The following NAV3 variants were observed in gnomAD, a reference collection of about 807,000 sequenced individuals.
NAV3 encodes the protein neuron navigator 3.
Under a neutral mutation model 244.7 loss-of-function variants are expected in NAV3, and 87 were observed. That is an observed-to-expected ratio of 0.36 (90% CI 0.30 to 0.42). NAV3 has a LOEUF of 0.42. NAV3 is among the 20% of genes least tolerant of loss of function. The probability of loss-of-function intolerance (pLI) is 1.00; values close to 1 mark genes in which losing one functional copy is unlikely to be tolerated. For synonymous variants in NAV3, 1,126 were observed against 1,042.2 expected (o/e 1.08, Z -1.55); for missense variants, 2,663 against 2,893.3 (o/e 0.92, Z 1.83).
intron 1 of NAV3, among the ~76,000 whole-genome samples, chr12:77,901,632 C>T (rs1275173430): frequency 4.6e-5 from 7 of 152,234 alleles, no homozygotes; most frequent in African/African-American, 1.4e-4. Context: ...ATCACTTGAA[C>T]GCAGGAGGCA....
intron 2 of NAV3, among the ~76,000 whole-genome samples, chr12:77,752,710 T>G (rs1358643994): frequency 6.6e-6 from 1 of 152,138 alleles, no homozygotes; most frequent in Non-Finnish European, 1.5e-5. Context: ...ATATTAATAG[T>G]CTCTACTTTA....
At chr12:78,136,544 TAAAC>T (rs983965790) in intron 18 of NAV3, among the ~76,000 whole-genome samples, 1 of 152,222 alleles carries the variant, frequency 6.6e-6, no homozygotes, top group Non-Finnish European at 1.5e-5. Context: ...ATGCTCATCT[TAAAC>T]AGAGTAGAAA....
intron 2 of NAV3, among the ~76,000 whole-genome samples, chr12:77,689,251 A>C (rs1337020209): frequency 1.3e-5 from 2 of 151,994 alleles, no homozygotes; most frequent in Non-Finnish European, 1.5e-5. Flanking sequence ...GAAAAGTCTC[A>C]GAAAGCTCAA....
At chr12:77,839,623 C>T (rs1257302858) in intron 1 of NAV3, among the ~76,000 whole-genome samples, 1 of 152,150 alleles carries the variant, frequency 6.6e-6, no homozygotes, top group African/African-American at 2.4e-5. Context: ...GGGCCTAATA[C>T]ATAGTTGGTG....
chr12:77,905,511 G>C (rs953134338), intron 1 of NAV3, among the ~76,000 whole-genome samples: 1 of 152,032 alleles, frequency 6.6e-6, no homozygotes, highest in African/African-American at 2.4e-5. Context: ...TTGTCTAAGA[G>C]TATGAATCTT....
chr12:78,150,580 T>G (rs1375161981), intron 22 of NAV3, among the ~76,000 whole-genome samples: 1 of 151,726 alleles, frequency 6.6e-6, no homozygotes, highest in Non-Finnish European at 1.5e-5. Flanking sequence ...AACATTTTTC[T>G]ATTATATGCT....
intron 1 of NAV3, among the ~76,000 whole-genome samples, chr12:77,927,253 G>A (rs1314199503): frequency 1.3e-5 from 2 of 152,176 alleles, no homozygotes; most frequent in African/African-American, 4.8e-5. Flanking sequence ...AATTCCCCAT[G>A]GAGCTCTCTG....
intron 12 of NAV3, among the ~76,000 whole-genome samples, chr12:78,106,150 T>C (rs949440238): frequency 6.6e-6 from 1 of 151,860 alleles, no homozygotes; most frequent in Non-Finnish European, 1.5e-5. Context: ...CCTTTTTTTA[T>C]AGTTGACATG....
intron 2 of NAV3, among the ~76,000 whole-genome samples, chr12:77,645,701 T>C (rs539220566): frequency 2.0e-5 from 3 of 152,220 alleles, no homozygotes; most frequent in Admixed American, 2.0e-4. Context: ...TTATTCTTGG[T>C]TATTGCATTT....
At chr12:77,903,786 A>G (rs1436165284) in intron 1 of NAV3, among the ~76,000 whole-genome samples, 3 of 152,296 alleles carry the variant, frequency 2.0e-5, no homozygotes, top group African/African-American at 7.2e-5. Context: ...ATAAACTCAA[A>G]CAAATTTACA....
At chr12:77,612,580 A>G (rs570319852) in intron 2 of NAV3, among the ~76,000 whole-genome samples, 1 of 152,200 alleles carries the variant, frequency 6.6e-6, no homozygotes, top group Admixed American at 6.5e-5. Context: ...ATGTGCCTTT[A>G]TCTAAACTGA....
chr12:78,114,311 G>T (rs1955257515), intron 12 of NAV3, among the ~76,000 whole-genome samples: 1 of 152,100 alleles, frequency 6.6e-6, no homozygotes, highest in South Asian at 2.1e-4. Flanking sequence ...ACATTTCTGG[G>T]TATCTTTACA....
chr12:77,956,403 G>T (rs531374347), intron 3 of NAV3, among the ~76,000 whole-genome samples: 1 of 152,218 alleles, frequency 6.6e-6, no homozygotes, highest in African/African-American at 2.4e-5. Context: ...TGTATGATTG[G>T]CAACAGCAAT....
intron 2 of NAV3, among the ~76,000 whole-genome samples, chr12:77,586,364 G>A (rs1268066179): frequency 2.0e-5 from 3 of 152,032 alleles, no homozygotes; most frequent in Non-Finnish European, 4.4e-5. Flanking sequence ...TCTTTTACAT[G>A]GTAAGATTCT....
chr12:77,874,106 C>T (rs1049499984), intron 1 of NAV3, among the ~76,000 whole-genome samples: 11 of 151,954 alleles, frequency 7.2e-5, no homozygotes, highest in East Asian at 1.9e-4. Flanking sequence ...AAACCCCCAC[C>T]CACCCTAGTC....
chr12:77,572,901 C>T lies in NAV3; in HGVS notation c.72+635C>T, dbSNP rs1868895273. Among the ~76,000 whole-genome samples the T allele has an allele frequency of 2.8e-5, 4 of 141,874 alleles. 1 individual carries two copies. In the South Asian group the frequency reaches 9.3e-4, roughly 33 times the overall value. The allele number at this position is 141,874 out of a possible 152,430, so 93.1% of individuals were successfully genotyped here. A position where few individuals can be genotyped will look rare whatever the true frequency, so the allele number is the denominator to read the frequency against. On this transcript the variant is annotated intron_variant, in intron 2 of 8. Coordinates refer to the NAV3 transcript ENST00000550042. ...AATACTAAGGGATGTACTTCACCTT[C>T]ATTTTTCTAGCTTTTTAGAAACTCT...
chr12:77,765,433 G>T (rs1306105262), intron 2 of NAV3, among the ~76,000 whole-genome samples: 2 of 152,202 alleles, frequency 1.3e-5, no homozygotes, highest in Admixed American at 1.3e-4. Flanking sequence ...CATGCTACTG[G>T]AAGAGAAGTC....
At chr12:78,000,132 G>C (rs1420310079) in intron 7 of NAV3, among the ~76,000 whole-genome samples, 2 of 152,098 alleles carry the variant, frequency 1.3e-5, no homozygotes, top group Non-Finnish European at 2.9e-5. Flanking sequence ...TGATATACAA[G>C]CATTAATATT....
At chr12:78,126,535 A>G (rs1593693485) in intron 16 of NAV3, among the ~76,000 whole-genome samples, 3 of 152,296 alleles carry the variant, frequency 2.0e-5, no homozygotes, top group Admixed American at 2.0e-4. Context: ...TCCTTAAAAT[A>G]GAGATGATAA....
Sources: allele counts gnomAD v4.1 joint callset (sites outside exome capture counted in the v4.1 genomes callset), GRCh38; gene constraint gnomAD v4.1.1; transcripts MANE v1.5; gene names NCBI Gene and HGNC (gene_info 2026-07-23, HGNC 2026-07-21).